The following SMYD3 variants were observed in gnomAD, a reference collection of about 807,000 sequenced individuals.
SMYD3 encodes the protein histone-lysine N-methyltransferase SMYD3.
In SMYD3, 36 loss-of-function variants were observed where a neutral mutation model predicts 57.7. The observed-to-expected ratio is 0.62, with a 90% CI of 0.48 to 0.82. The LOEUF (loss-of-function observed/expected upper bound fraction) is 0.82, where lower values mean the gene tolerates loss of function less well. Among genes scored for constraint, SMYD3 ranks in the 40% least tolerant of loss-of-function variants. The pLI, the probability that SMYD3 is intolerant of heterozygous loss-of-function variation, is 0.00. For missense variants in SMYD3, 515 were observed against 538.8 expected (o/e 0.96, Z 0.44); for synonymous variants, 211 against 195.0 (o/e 1.08, Z -0.68).
chr1:246,361,052 C>T (rs903770114), intron 1 of SMYD3, among the ~76,000 whole-genome samples: 9 of 152,008 alleles, frequency 5.9e-5, no homozygotes, highest in African/African-American at 9.7e-5. Flanking sequence ...TCTATACATC[C>T]GACAAAGGAC....
intron 10 of SMYD3, among the ~76,000 whole-genome samples, chr1:245,810,043 C>T (rs2048374211): frequency 6.6e-6 from 1 of 152,172 alleles, no homozygotes; most frequent in Non-Finnish European, 1.5e-5. Context: ...TCATTGGGTA[C>T]CATCCATTTC....
At chr1:246,497,536 C>G (rs1312635716) in intron 1 of SMYD3, among the ~76,000 whole-genome samples, 1 of 152,188 alleles carries the variant, frequency 6.6e-6, no homozygotes, top group Non-Finnish European at 1.5e-5. Context: ...TAATGGGGAA[C>G]TCCCAGATAG....
At chr1:246,281,196 G>C (rs544947524) in intron 5 of SMYD3, among the ~76,000 whole-genome samples, 4 of 152,204 alleles carry the variant, frequency 2.6e-5, no homozygotes, top group African/African-American at 9.6e-5. Context: ...AGGTGAGAAG[G>C]AAGTGGGGTC....
chr1:246,490,473 C>T (rs535734382), intron 1 of SMYD3, among the ~76,000 whole-genome samples: 2 of 152,284 alleles, frequency 1.3e-5, no homozygotes, highest in East Asian at 3.9e-4. Flanking sequence ...AAAAATAAGA[C>T]AAGGTCTCCG....
chr1:246,148,243 G>A (rs2061887987), intron 5 of SMYD3, among the ~76,000 whole-genome samples: 2 of 152,254 alleles, frequency 1.3e-5, no homozygotes, highest in East Asian at 3.9e-4. Flanking sequence ...CCAGAGCAGG[G>A]CACGTGGAGA....
chr1:246,326,996 A>G, intron 5 of SMYD3: 2 of 587,430 alleles, frequency 3.4e-6, no homozygotes, highest in Non-Finnish European at 2.9e-6. Flanking sequence ...AATAACAAGA[A>G]TATTAATCAA....
rs1780814 is a variant in SMYD3, at chr1:246,280,407, C to T, written c.531+46794G>A. Among the ~76,000 whole-genome samples, 424 of 152,184 alleles carry T rather than the reference C, an allele frequency of 2.8e-3. 5 individuals are homozygous for T. The highest frequency in any genetic ancestry group is 9.8e-3 in the African/African-American group (408 of 41,530). ...TGGCTGAAAGTCCTATGCTGCCATG[C>T]GACAGAAAAGAGAGCTAAACTATCC... On this transcript the variant is annotated intron_variant, in intron 5 of 11. Transcript: ENST00000490107.
In SMYD3 at chr1:246,391,403, AG is replaced by A. The variant is rs2066565573; in HGVS notation, c.165-36310del. Among the ~76,000 whole-genome samples the A allele has an allele frequency of 8.3e-4, 40 of 48,254 alleles. 1 individual carries two copies. The highest frequency in any genetic ancestry group is 1.8e-3 in the South Asian group (3 of 1,694). 31.7% of individuals were successfully genotyped at this position (48,254 alleles called of 152,430 possible). ...GAGAGAGAGAGAGAGAAAGAGAGAG[AG>A]AGAAAGAGAGAGAAAAAGAGAGAGA... On this transcript the variant is annotated intron_variant, in intron 1 of 11. Coordinates refer to ENST00000490107, the MANE Select transcript of SMYD3 (RefSeq NM_001167740.2).
At chr1:245,870,062 G>A (rs1485738256) in intron 8 of SMYD3, among the ~76,000 whole-genome samples, 1 of 152,156 alleles carries the variant, frequency 6.6e-6, no homozygotes, top group African/African-American at 2.4e-5. Flanking sequence ...TGTATTCCCA[G>A]TGCCTGCAAG....
At chr1:245,867,212 GAGA>G (rs1222090250) in intron 8 of SMYD3, among the ~76,000 whole-genome samples, 2 of 152,214 alleles carry the variant, frequency 1.3e-5, no homozygotes, top group Admixed American at 6.5e-5. Flanking sequence ...GATGTGCTGT[GAGA>G]AGAACTTAAC....
chr1:246,320,809 A>G (rs1171286282), intron 5 of SMYD3, among the ~76,000 whole-genome samples: 1 of 152,250 alleles, frequency 6.6e-6, no homozygotes, highest in East Asian at 1.9e-4. Flanking sequence ...ATCAATAACC[A>G]TTGCCAATAA....
At chr1:246,232,744 C>T (rs1344919102) in intron 5 of SMYD3, among the ~76,000 whole-genome samples, 1 of 134,872 alleles carries the variant, frequency 7.4e-6, no homozygotes, top group Non-Finnish European at 1.6e-5. Flanking sequence ...ACATATTCCA[C>T]ACAGAGGAGA....
chr1:245,807,457 A>G (rs1295435066), intron 10 of SMYD3, among the ~76,000 whole-genome samples: 1 of 152,220 alleles, frequency 6.6e-6, no homozygotes, highest in African/African-American at 2.4e-5. Context: ...TCCAATGTTG[A>G]CACCTTGTTC....
At chr1:245,830,419 C>T (rs1156698217) in intron 10 of SMYD3, among the ~76,000 whole-genome samples, 1 of 152,162 alleles carries the variant, frequency 6.6e-6, no homozygotes, top group East Asian at 1.9e-4. Flanking sequence ...TCCAGGAGAA[C>T]AGTATGGGGG....
chr1:246,274,813 A>C (rs2064298249), intron 5 of SMYD3, among the ~76,000 whole-genome samples: 2 of 152,122 alleles, frequency 1.3e-5, no homozygotes, highest in Non-Finnish European at 2.9e-5. Context: ...ATCAGAATTC[A>C]GTTTTTCAAA....
chr1:246,173,564 C>T (rs1479435840), intron 5 of SMYD3, among the ~76,000 whole-genome samples: 1 of 151,598 alleles, frequency 6.6e-6, no homozygotes, highest in Non-Finnish European at 1.5e-5. Context: ...AAGCTTTGAA[C>T]TATTTTTAAA....
chr1:246,088,535 A>G (rs6691853), intron 5 of SMYD3, among the ~76,000 whole-genome samples: 98,045 of 126,254 alleles, frequency 0.78, 39,163 homozygotes, highest in Admixed American at 0.83. Context: ...GCGTGAACCC[A>G]GGAGGCGGAG....
intron 1 of SMYD3, among the ~76,000 whole-genome samples, chr1:246,377,062 T>G (rs748711564): frequency 2.6e-5 from 4 of 152,118 alleles, no homozygotes; most frequent in Non-Finnish European, 4.4e-5. Context: ...ATCACACCAT[T>G]GTACTCCAGC....
rs556817210 is a variant in SMYD3 at position 245,749,618 on chromosome 1, A to G, written c.1232T>C (p.Ile411Thr). ...RVTHGREHSLIEDLILLLEEC... is the reference protein window; with the variant it reads ...RVTHGREHSLTEDLILLLEEC... ...TTCTAAAAGTAGAATCAAATCTTCAATCAGGCTGTGTTCTCTGCCATGTGT... is the reference window on the plus strand; with the variant it reads ...TTCTAAAAGTAGAATCAAATCTTCAGTCAGGCTGTGTTCTCTGCCATGTGT... The change falls in exon 12 of 12, where the codon ATT becomes ACT. Residue 411 changes from isoleucine to threonine, a missense_variant. Ile to Thr is a moderately conservative substitution (Grantham distance 89). Coordinates refer to ENST00000490107, the MANE Select transcript of SMYD3 (RefSeq NM_001167740.2). 1.2e-5 allele frequency: 20 copies of G among 1,614,192 alleles called. No individual in the cohort carries two copies. The highest frequency in any genetic ancestry group is 6.7e-5 in the East Asian group (3 of 44,882).
Sources: allele counts gnomAD v4.1 joint callset (sites outside exome capture counted in the v4.1 genomes callset), GRCh38; gene constraint gnomAD v4.1.1; transcripts MANE v1.5; gene names NCBI Gene and HGNC (gene_info 2026-07-23, HGNC 2026-07-21).